The following PTPRT variants were observed in gnomAD, a reference collection of about 807,000 sequenced individuals.
PTPRT encodes the protein protein tyrosine phosphatase receptor type T.
In PTPRT, 56 loss-of-function variants were observed where a neutral mutation model predicts 176.8. The ratio of observed to expected loss-of-function variants is 0.32; its 90% CI spans 0.26 to 0.40. PTPRT has a LOEUF of 0.40. Among genes scored for constraint, PTPRT ranks in the 10% least tolerant of loss-of-function variants. PTPRT has a pLI of 1.00. For synonymous variants in PTPRT, 783 were observed against 739.0 expected (o/e 1.06, Z -0.96); for missense variants, 1,540 against 1,908.2 (o/e 0.81, Z 3.60).
At chr20:42,786,563 A>G (rs1329854314) in intron 3 of PTPRT, among the ~76,000 whole-genome samples, 1 of 152,018 alleles carries the variant, frequency 6.6e-6, no homozygotes, top group Non-Finnish European at 1.5e-5. Context: ...CACAGATCTC[A>G]TGCCTCTCAT....
intron 17 of PTPRT, among the ~76,000 whole-genome samples, chr20:42,159,456 C>A (rs148658170): frequency 2.7e-5 from 4 of 150,478 alleles, no homozygotes; most frequent in African/African-American, 4.9e-5. Context: ...TTTTAGGGTA[C>A]CAAATAACAT....
At chr20:43,045,825 T>C (rs2425564) in intron 1 of PTPRT, among the ~76,000 whole-genome samples, 48,796 of 151,898 alleles carry the variant, frequency 0.32, 10,920 homozygotes, top group African/African-American at 0.63. Context: ...AGAATACAAA[T>C]AATGATTCCA....
At chr20:42,192,914 C>T (rs1212895295) in intron 16 of PTPRT, among the ~76,000 whole-genome samples, 1 of 152,154 alleles carries the variant, frequency 6.6e-6, no homozygotes, top group African/African-American at 2.4e-5. Context: ...ATCCACTTGG[C>T]AGCTGCCTTC....
At chr20:42,825,351 C>T (rs544045003) in intron 2 of PTPRT, among the ~76,000 whole-genome samples, 27 of 151,790 alleles carry the variant, frequency 1.8e-4, no homozygotes, top group East Asian at 7.7e-4. Context: ...AGTGTAAGGA[C>T]GTAATTAAAT....
chr20:42,161,664 G>A (rs1989608219), intron 16 of PTPRT, 122 bp from the exon 17 acceptor site: 1 of 893,476 alleles, frequency 1.1e-6, no homozygotes, highest in Non-Finnish European at 1.7e-6. Context: ...CAACTGATAG[G>A]GAAACTGCAA....
chr20:43,087,080 G>C (rs1047857517), intron 1 of PTPRT, among the ~76,000 whole-genome samples: 6 of 152,108 alleles, frequency 3.9e-5, no homozygotes, highest in Admixed American at 3.9e-4. Context: ...CATTTCCCCA[G>C]TCCCTGGCAA....
intron 27 of PTPRT, among the ~76,000 whole-genome samples, chr20:42,096,511 G>A (rs147688702): frequency 5.9e-4 from 90 of 152,298 alleles, no homozygotes; most frequent in African/African-American, 2.1e-3. Flanking sequence ...GCTGAGGCAT[G>A]AGAATCACTT....
At chr20:42,251,136 T>C (rs151053387) in intron 13 of PTPRT, among the ~76,000 whole-genome samples, 231 of 152,304 alleles carry the variant, frequency 1.5e-3, no homozygotes, top group Non-Finnish European at 2.5e-3. Flanking sequence ...TCCTCAATAT[T>C]GATAGAGTCT....
chr20:42,188,785 T>C lies in PTPRT; in HGVS notation c.2491+10455A>G, dbSNP rs773334175. On this transcript the variant is annotated intron_variant, in intron 16 of 30. Transcript: ENST00000373187. ...TGAGGTGTAGAGAACAATTCTATTT[T>C]CTTCTCAAGATGTAGTGGCCTAGGA... Among the ~76,000 whole-genome samples the C allele has an allele frequency of 5.6e-4, 86 of 152,308 alleles. 2 individuals carry two copies. Among genetic ancestry groups the C allele is most frequent in the Non-Finnish European group, 9.1e-4 (62 of 68,024 alleles).
intron 1 of PTPRT, among the ~76,000 whole-genome samples, chr20:43,037,868 G>A (rs755195502): frequency 2.6e-5 from 4 of 152,140 alleles, no homozygotes; most frequent in Admixed American, 1.3e-4. Flanking sequence ...CACCTTCTGT[G>A]GGACTCTGCG....
At chr20:42,691,800 G>A (rs1266896619) in intron 6 of PTPRT, among the ~76,000 whole-genome samples, 1 of 152,184 alleles carries the variant, frequency 6.6e-6, no homozygotes, top group Non-Finnish European at 1.5e-5. Context: ...GACTAAGCCA[G>A]ATGGACGCTG....
intron 12 of PTPRT, among the ~76,000 whole-genome samples, chr20:42,315,010 C>A (rs2145370797): frequency 6.6e-6 from 1 of 152,192 alleles, no homozygotes; most frequent in African/African-American, 2.4e-5. Context: ...CTTTGATATG[C>A]TTTCCAGCCC....
the PTPRT span, among the ~76,000 whole-genome samples, chr20:42,049,062 C>G: frequency 2.6e-5 from 4 of 152,160 alleles, no homozygotes; most frequent in Non-Finnish European, 4.4e-5. Context: ...TCAGGTGGTC[C>G]GCCTTCATCA....
chr20:42,622,426 G>C (rs2074216368), intron 7 of PTPRT, among the ~76,000 whole-genome samples: 1 of 152,066 alleles, frequency 6.6e-6, no homozygotes, highest in South Asian at 2.1e-4. Context: ...ATTTTTAGTA[G>C]AGACGGGGTT....
At chr20:42,057,474 C>T in the PTPRT span, among the ~76,000 whole-genome samples, 10 of 152,220 alleles carry the variant, frequency 6.6e-5, no homozygotes, top group Admixed American at 2.0e-4. Flanking sequence ...ATATCTTCCC[C>T]ATCTTCTTTT....
At chr20:42,051,098 T>A in the PTPRT span, among the ~76,000 whole-genome samples, 96,037 of 152,066 alleles carry the variant, frequency 0.63, 31,263 homozygotes, top group African/African-American at 0.78. Flanking sequence ...CTGATCCTAT[T>A]TCAGCAGCAC....
chr20:42,751,327 C>T (rs1176607563), intron 6 of PTPRT, among the ~76,000 whole-genome samples: 1 of 152,086 alleles, frequency 6.6e-6, no homozygotes, highest in African/African-American at 2.4e-5. Context: ...AACTAGATGG[C>T]TGAGCACAAA....
chr20:43,059,369 C>T (rs375944603), intron 1 of PTPRT, among the ~76,000 whole-genome samples: 10 of 152,152 alleles, frequency 6.6e-5, no homozygotes, highest in African/African-American at 2.2e-4. Context: ...CCAAGGCATA[C>T]CTTCAACATT....
chr20:42,999,493 T>G (rs1984410360), intron 1 of PTPRT, among the ~76,000 whole-genome samples: 1 of 152,046 alleles, frequency 6.6e-6, no homozygotes, highest in African/African-American at 2.4e-5. Flanking sequence ...GTCAGGCTCA[T>G]GAGTGTAATC....
Sources: gnomAD v4.1 joint callset for allele counts (sites outside exome capture counted in the v4.1 genomes callset) on GRCh38, gnomAD v4.1.1 for gene constraint, MANE v1.5 for transcripts, NCBI Gene and HGNC (gene_info 2026-07-23, HGNC 2026-07-21) for gene names.